Variants in MED27 observed in about 807,000 individuals in gnomAD.
MED27 encodes mediator of RNA polymerase II transcription subunit 27.
In MED27, 30 loss-of-function variants were observed where a neutral mutation model predicts 38.2. That is an observed-to-expected ratio of 0.79 (90% CI 0.59 to 1.07). The LOEUF is 1.07. Ranked by LOEUF, MED27 falls within the 50% of genes least tolerant of loss-of-function variation. The pLI is 0.00. For synonymous variants in MED27, 122 were observed against 153.5 expected (o/e 0.79, Z 1.52); for missense variants, 289 against 397.5 (o/e 0.73, Z 2.32).
chr9:132,038,836 G>A (rs10901122), intron 2 of MED27, among the ~76,000 whole-genome samples: 23,048 of 152,068 alleles, frequency 0.15, 1,854 homozygotes, highest in East Asian at 0.31. Flanking sequence ...GGGTGAGGGC[G>A]GCCATTGTAA....
At chr9:131,869,396 A>G (rs1196277688) in intron 6 of MED27, 10 of 977,084 alleles carry the variant, frequency 1.0e-5, no homozygotes, top group Admixed American at 1.2e-4. Flanking sequence ...TGGGGCAAAA[A>G]AAAAAAAAAA....
At chr9:131,971,237 G>GA (rs1237694122) in intron 3 of MED27, among the ~76,000 whole-genome samples, 6 of 152,206 alleles carry the variant, frequency 3.9e-5, no homozygotes, top group Admixed American at 2.0e-4. Flanking sequence ...AGCATGCTGG[G>GA]AAGAAGGACA....
intron 4 of MED27, among the ~76,000 whole-genome samples, chr9:131,920,622 C>A (rs185440127): frequency 2.0e-5 from 3 of 152,032 alleles, no homozygotes; most frequent in African/African-American, 7.3e-5. Flanking sequence ...ATAAGTACAA[C>A]GAAAGAAAAT....
intron 1 of MED27, 36 bp from the exon 2 acceptor site, chr9:132,077,622 C>A (rs1191692827): frequency 1.2e-6 from 2 of 1,611,624 alleles, no homozygotes; most frequent in East Asian, 4.5e-5. Context: ...TAAACCTAAG[C>A]CCATTTACAC....
chr9:131,943,317 G>T (rs1252284672), intron 3 of MED27, among the ~76,000 whole-genome samples: 1 of 152,118 alleles, frequency 6.6e-6, no homozygotes, highest in African/African-American at 2.4e-5. Context: ...ACAGAAATAA[G>T]GAAAGCTTGG....
chr9:132,038,470 G>A (rs919875025), intron 2 of MED27, among the ~76,000 whole-genome samples: 3 of 151,312 alleles, frequency 2.0e-5, no homozygotes, highest in African/African-American at 7.3e-5. Flanking sequence ...GGGATTACAG[G>A]CGTGAGCCAC....
At chr9:131,969,603 G>A (rs1831431315) in intron 3 of MED27, among the ~76,000 whole-genome samples, 1 of 152,136 alleles carries the variant, frequency 6.6e-6, no homozygotes, top group African/African-American at 2.4e-5. Flanking sequence ...TTTATACTAG[G>A]CCGCTGCTAT....
intron 2 of MED27, chr9:132,073,574 A>G (rs1833986570): frequency 7.2e-7 from 1 of 1,389,864 alleles, no homozygotes; most frequent in Admixed American, 3.5e-5. Context: ...TAGTTCCATG[A>G]TGCAAAAACA....
intron 3 of MED27, among the ~76,000 whole-genome samples, chr9:131,971,360 G>C (rs1831472021): frequency 6.6e-6 from 1 of 152,168 alleles, no homozygotes; most frequent in African/African-American, 2.4e-5. Flanking sequence ...AGCAAGGACA[G>C]GGGGAGAGAG....
chr9:131,905,072 G>T (rs956124705), intron 4 of MED27, among the ~76,000 whole-genome samples: 8 of 152,080 alleles, frequency 5.3e-5, no homozygotes, highest in Non-Finnish European at 8.8e-5. Flanking sequence ...GCAGTCTTGG[G>T]AAAAATCCCC....
At chr9:131,903,658 C>T (rs1161662534) in intron 4 of MED27, among the ~76,000 whole-genome samples, 3 of 152,178 alleles carry the variant, frequency 2.0e-5, no homozygotes, top group Non-Finnish European at 4.4e-5. Context: ...ATTGAGCGTC[C>T]ACGAGAGCTA....
chr9:132,078,634 C>T (rs565567141), intron 1 of MED27, among the ~76,000 whole-genome samples: 82 of 152,116 alleles, frequency 5.4e-4, no homozygotes, highest in Non-Finnish European at 8.1e-4. Flanking sequence ...CCTCCTCCAT[C>T]CTACCTCCTC....
At chr9:131,912,190 G>A (rs1411067053) in intron 4 of MED27, among the ~76,000 whole-genome samples, 1 of 152,134 alleles carries the variant, frequency 6.6e-6, no homozygotes, top group African/African-American at 2.4e-5. Context: ...TCATGAAAAG[G>A]GGTCTGTGGT....
chr9:132,041,569 CA>C (rs1363926978), intron 2 of MED27, among the ~76,000 whole-genome samples: 2 of 152,238 alleles, frequency 1.3e-5, no homozygotes, highest in African/African-American at 4.8e-5. Context: ...ACTGCAAGCA[CA>C]GCCTCACACG....
intron 5 of MED27, among the ~76,000 whole-genome samples, chr9:131,892,472 C>T (rs1317479720): frequency 2.0e-5 from 3 of 152,116 alleles, no homozygotes; most frequent in Non-Finnish European, 2.9e-5. Context: ...TCAGAGCATG[C>T]TTCATTTGCA....
chr9:131,965,204 A>G (rs977138931), intron 3 of MED27, among the ~76,000 whole-genome samples: 3 of 152,222 alleles, frequency 2.0e-5, no homozygotes, highest in Non-Finnish European at 4.4e-5. Context: ...ATTATTCATA[A>G]AGCCTACAGC....
At chr9:131,894,118 C>A in intron 4 of MED27, 126 bp from the exon 5 acceptor site, 1 of 650,478 alleles carries the variant, frequency 1.5e-6, no homozygotes, top group Non-Finnish European at 2.8e-6. Context: ...CCCTGTGGAT[C>A]CTCCAGCACT....
Position 131,872,337 on chromosome 9 carries a change from C to G in MED27, c.724-9197G>C, listed in dbSNP as rs1838851413. 6.6e-6 allele frequency among the ~76,000 whole-genome samples: 1 copy of G among 152,232 alleles called. No homozygotes were observed. Among genetic ancestry groups the G allele is most frequent in the Non-Finnish European group, 1.5e-5 (1 of 68,044 alleles). ...GGCATTATCTGCCAGCACACAGCCC[C>G]CGAGGCCAAGCTAGAAGAGCGGGCG... On this transcript the variant is annotated intron_variant, in intron 6 of 7. Transcript: ENST00000292035. This position sits in a 1 kb window ranked among gnomAD's most constrained non-coding sequence, Gnocchi z 5.6.
intron 6 of MED27, chr9:131,868,517 T>C: frequency 1.1e-6 from 1 of 938,522 alleles, no homozygotes; most frequent in Non-Finnish European, 1.3e-6. Flanking sequence ...CTCAAGTGAT[T>C]CTTCTGCCTC....
Sources: gnomAD v4.1 joint callset for allele counts (sites outside exome capture counted in the v4.1 genomes callset) on GRCh38, gnomAD v4.1.1 for gene constraint, Gnocchi (gnomAD v3.1) non-coding constraint, MANE v1.5 for transcripts, NCBI Gene and HGNC (gene_info 2026-07-23, HGNC 2026-07-21) for gene names.